OR4L1: variants seen among roughly 807,000 people sequenced by gnomAD.
OR4L1 encodes olfactory receptor 4L1.
For missense variants in OR4L1, 446 were observed against 368.5 expected (o/e 1.21, Z -1.72); for synonymous variants, 156 against 135.3 (o/e 1.15, Z -1.06).
chr14:20,060,899 T>C lies in OR4L1; in HGVS notation c.855T>C (p.Ser285=), dbSNP rs1048971820. The change falls in exon 1 of 1, where the codon AGT becomes AGC. Residue 285 remains serine, a synonymous_variant. Transcript: ENST00000315683. ...TTATCACACCCTTACTGAATCCGAG[T>C]ATTTATACCCTGAGAAATAAGAAAA... The part of the protein sequence containing the change: ...YTVITPLLNP[S]IYTLRNKKMQ... 12 of 1,602,816 alleles carry C rather than the reference T, an allele frequency of 7.5e-6. No homozygotes were observed. The highest frequency in any genetic ancestry group is 1.0e-5 in the Non-Finnish European group (12 of 1,176,084).
chr14:20,060,338 G>T lies in OR4L1; in HGVS notation c.294G>T (p.Val98=). The stretch of plus-strand genomic sequence containing the variant: ...AGACCATCTCTGTGTGGGGCTGCGT[G>T]ACCCAGATGTTCTTCATGCACTTCT... The part of the protein sequence containing the change: ...DHKTISVWGC[V]TQMFFMHFFG... The change falls in exon 1 of 1, where the codon GTG becomes GTT. Residue 98 remains valine (V), a synonymous_variant. Coordinates refer to ENST00000315683, the MANE Select transcript of OR4L1 (RefSeq NM_001004717.1). The T allele has an allele frequency of 6.2e-7, 1 of 1,600,524 alleles. No individual in the cohort carries two copies. The highest frequency in any genetic ancestry group is 8.5e-7 in the Non-Finnish European group (1 of 1,174,528).
Position 20,060,132 on chromosome 14 carries a change from A to T in OR4L1, c.88A>T (p.Thr30Ser). The stretch of plus-strand genomic sequence containing the variant: ...GGAACTTCAAATTTTCTTCTTTGTG[A>T]CATTTTCCCTGATCTACGGTGCTAC... ...RWELQIFFFV[T>S]FSLIYGATVM... The change falls in exon 1 of 1, where the codon ACA becomes TCA. Residue 30 changes from threonine to serine, a missense_variant. Thr to Ser is a moderately conservative substitution (Grantham distance 58, BLOSUM62 1). Coordinates refer to ENST00000315683, the MANE Select transcript of OR4L1 (RefSeq NM_001004717.1). 1 of 1,591,490 alleles carries T rather than the reference A, an allele frequency of 6.3e-7. No homozygotes were observed. The highest frequency in any genetic ancestry group is 8.5e-7 in the Non-Finnish European group (1 of 1,172,564).
chr14:20,060,331 G>T lies in OR4L1; in HGVS notation c.287G>T (p.Gly96Val). The change falls in exon 1 of 1, where the codon GGC becomes GTC. Residue 96 changes from glycine to valine, a missense_variant. Gly to Val is a moderately radical substitution (Grantham distance 109). Transcript: ENST00000315683. ...GACCACAAGACCATCTCTGTGTGGGGCTGCGTGACCCAGATGTTCTTCATG... is the reference window on the plus strand; with the variant it reads ...GACCACAAGACCATCTCTGTGTGGGTCTGCGTGACCCAGATGTTCTTCATG... ...LTDHKTISVWGCVTQMFFMHF... is the reference protein window; with the variant it reads ...LTDHKTISVWVCVTQMFFMHF... 1.3e-6 allele frequency: 2 copies of T among 1,599,956 alleles called. No homozygotes were observed. The highest frequency in any genetic ancestry group is 1.7e-6 in the Non-Finnish European group (2 of 1,173,998).
rs567994123 is a variant in OR4L1 at position 20,060,721 on chromosome 14, C to CA, written c.684dup (p.Ser229IlefsTer36). On this transcript the variant is annotated frameshift_variant, in exon 1 of 1. Coordinates refer to ENST00000315683, the MANE Select transcript of OR4L1 (RefSeq NM_001004717.1). LOFTEE classifies it low-confidence loss of function (END_TRUNC). ...TACATTGTCATCCTGGTCAGTGTACCAAAAAAATCATCACATGGGCTCTCC... is the reference window on the plus strand; with the variant it reads ...TACATTGTCATCCTGGTCAGTGTACCAAAAAAAATCATCACATGGGCTCTCC... 2.4e-5 allele frequency: 39 copies of CA among 1,613,376 alleles called. No homozygotes were observed. In the South Asian group the frequency reaches 3.0e-4, roughly 12 times the overall value.
Position 20,060,166 on chromosome 14 carries a change from G to A in OR4L1, c.122G>A (p.Gly41Glu), listed in dbSNP as rs370455900. The change falls in exon 1 of 1, where the codon GGA becomes GAA. Residue 41 changes from glycine (G) to glutamate (E), a missense_variant. By Grantham distance (98) the Gly-to-Glu change is moderately conservative. Coordinates refer to ENST00000315683, the MANE Select transcript of OR4L1 (RefSeq NM_001004717.1). ...CTGATCTACGGTGCTACTGTGATGG[G>A]AAACATTCTCATTATGGTCACAGTG... ...FSLIYGATVM[G>E]NILIMVTVTC... 125 of 1,605,948 alleles carry A rather than the reference G, an allele frequency of 7.8e-5. No individual in the cohort carries two copies. The highest frequency in any genetic ancestry group is 1.7e-4 in the Middle Eastern group (1 of 6,046).
In OR4L1 at chr14:20,060,603, C is replaced by T. The variant is rs752490340; in HGVS notation, c.559C>T (p.Leu187Phe). The T allele has an allele frequency of 4.3e-6, 7 of 1,613,054 alleles. No individual in the cohort carries two copies. In the East Asian group the frequency reaches 1.3e-4, roughly 31 times the overall value. ...IFCDLPLVIKLACIETYTLEL... is the reference protein window; with the variant it reads ...IFCDLPLVIKFACIETYTLEL... ...TTGTGATCTTCCCCTTGTGATCAAG[C>T]TTGCTTGCATTGAAACATACACCCT... The change falls in exon 1 of 1, where the codon CTT (leucine) becomes TTT (phenylalanine). Residue 187 changes from leucine (L) to phenylalanine (F), a missense_variant. Leu to Phe is a conservative substitution (Grantham distance 22). Coordinates refer to ENST00000315683, the MANE Select transcript of OR4L1 (RefSeq NM_001004717.1).
chr14:20,060,662 C>T lies in OR4L1; in HGVS notation c.618C>T (p.Leu206=), dbSNP rs755947311. The change falls in exon 1 of 1, where the codon CTC becomes CTT. Residue 206 remains leucine (L), a synonymous_variant. Coordinates refer to ENST00000315683, the MANE Select transcript of OR4L1 (RefSeq NM_001004717.1). The part of the protein sequence containing the change: ...ELFVIADSGL[L]SFTCFILLLV... ...TTGTCATTGCTGACAGCGGGCTGCTCTCTTTCACCTGTTTCATCCTCTTGC... is the reference window on the plus strand; with the variant it reads ...TTGTCATTGCTGACAGCGGGCTGCTTTCTTTCACCTGTTTCATCCTCTTGC... The T allele has an allele frequency of 1.9e-6, 3 of 1,613,836 alleles. No individual in the cohort carries two copies. Among genetic ancestry groups the T allele is most frequent in the African/African-American group, 1.3e-5 (1 of 74,908 alleles).
At position 20,060,967 on chromosome 14, in the gene OR4L1, C is replaced by T. The variant is rs1876735104; in HGVS notation, c.923C>T (p.Ser308Phe). 2 of 1,526,538 alleles carry T rather than the reference C, an allele frequency of 1.3e-6. No homozygotes were observed. Among genetic ancestry groups the T allele is most frequent in the Non-Finnish European group, 1.8e-6 (2 of 1,138,342 alleles). The allele number at this position is 1,526,538 out of a possible 1,614,324, so 94.6% of individuals were successfully genotyped here. Residue 308 changes from serine (S) to phenylalanine (F), a missense_variant, in exon 1 of 1, where the codon TCT becomes TTT. Physicochemically the swap from Ser to Phe is radical, Grantham distance 155 (BLOSUM62 -2). Transcript: ENST00000315683. ...AAATTACGGTTCCAATATGTTAGTTCTGCACAGAATTTCTAGATGTTAGCA... is the reference window on the plus strand; with the variant it reads ...AAATTACGGTTCCAATATGTTAGTTTTGCACAGAATTTCTAGATGTTAGCA... Reference protein sequence around the residue: ...IRKLRFQYVSSAQNF With the variant: ...IRKLRFQYVSFAQNF
Position 20,060,090 on chromosome 14 carries a change from G to C in OR4L1, c.46G>C (p.Gly16Arg). 1.3e-6 allele frequency: 2 copies of C among 1,565,782 alleles called. No homozygotes were observed. Among genetic ancestry groups the C allele is most frequent in the Non-Finnish European group, 1.7e-6 (2 of 1,161,132 alleles). Residue 16 changes from glycine to arginine, a missense_variant, in exon 1 of 1, where the codon GGA becomes CGA. Transcript: ENST00000315683. ...TCTAGTGACCGAGTTTATTTTACTAGGATTTTTTGGACGATGGGAACTTCA... is the reference window on the plus strand; with the variant it reads ...TCTAGTGACCGAGTTTATTTTACTACGATTTTTTGGACGATGGGAACTTCA... ...GSLVTEFILL[G>R]FFGRWELQIF...
Position 20,060,627 on chromosome 14 carries a change from C to T in OR4L1, c.583C>T (p.Leu195=), listed in dbSNP as rs887768572. ...GCTTGCTTGCATTGAAACATACACC[C>T]TGGAATTATTTGTCATTGCTGACAG... The part of the protein sequence containing the change: ...IKLACIETYT[L]ELFVIADSGL... The change falls in exon 1 of 1, where the codon CTG becomes TTG. Residue 195 remains leucine, a synonymous_variant. Transcript: ENST00000315683. 6.2e-7 allele frequency: 1 copy of T among 1,613,716 alleles called. No individual in the cohort carries two copies. Among genetic ancestry groups the T allele is most frequent in the Non-Finnish European group, 8.5e-7 (1 of 1,179,734 alleles).
rs775957644 is a variant in OR4L1 at position 20,060,632 on chromosome 14, A to G, written c.588A>G (p.Glu196=). ...KLACIETYTL[E]LFVIADSGLL... is the part of the protein sequence containing the mutation. Reference sequence around the variant, plus strand: ...CTTGCATTGAAACATACACCCTGGAATTATTTGTCATTGCTGACAGCGGGC... The same window carrying G: ...CTTGCATTGAAACATACACCCTGGAGTTATTTGTCATTGCTGACAGCGGGC... The change falls in exon 1 of 1, where the codon GAA becomes GAG. Residue 196 remains glutamate, a synonymous_variant. Transcript: ENST00000315683. 6 of 1,613,662 alleles carry G rather than the reference A, an allele frequency of 3.7e-6. No individual in the cohort carries two copies. The East Asian group carries it at 1.3e-4, about 36-fold the overall frequency.
At position 20,060,965 on chromosome 14, in the gene OR4L1, T is replaced by G. The variant is rs754582681; in HGVS notation, c.921T>G (p.Ser307Arg). 2 of 1,530,328 alleles carry G rather than the reference T, an allele frequency of 1.3e-6. No individual in the cohort carries two copies. The highest frequency in any genetic ancestry group is 1.8e-6 in the Non-Finnish European group (2 of 1,141,190). 94.8% of individuals were successfully genotyped at this position (1,530,328 alleles called of 1,614,324 possible). A position where few individuals can be genotyped will look rare whatever the true frequency, so the allele number is the denominator to read the frequency against. The change falls in exon 1 of 1, where the codon AGT becomes AGG. Residue 307 changes from serine (S) to arginine (R), a missense_variant. Physicochemically the swap from Ser to Arg is moderately radical, Grantham distance 110. Coordinates refer to ENST00000315683, the MANE Select transcript of OR4L1 (RefSeq NM_001004717.1). ...GAAAATTACGGTTCCAATATGTTAG[T>G]TCTGCACAGAATTTCTAGATGTTAG... ...AIRKLRFQYV[S>R]SAQNF
Position 20,060,406 on chromosome 14 carries a change from A to G in OR4L1, c.362A>G (p.Asp121Gly), listed in dbSNP as rs750434127. The part of the protein sequence containing the change: ...EMTLLIIMAF[D>G]RYVAICKPLH... ...ACTCTTCTGATAATCATGGCCTTTG[A>G]CAGGTATGTAGCCATATGTAAACCC... Residue 121 changes from aspartate to glycine, a missense_variant, in exon 1 of 1, where the codon GAC (aspartate) becomes GGC (glycine). Physicochemically the swap from Asp to Gly is moderately conservative, Grantham distance 94. Coordinates refer to ENST00000315683, the MANE Select transcript of OR4L1 (RefSeq NM_001004717.1). 1 of 1,609,380 alleles carries G rather than the reference A, an allele frequency of 6.2e-7. No individual in the cohort carries two copies.
rs777795074 is a variant in OR4L1 at position 20,060,505 on chromosome 14, T to C, written c.461T>C (p.Leu154Ser). 3 of 1,613,462 alleles carry C rather than the reference T, an allele frequency of 1.9e-6. No individual in the cohort carries two copies. In the East Asian group the frequency reaches 6.7e-5, roughly 36 times the overall value. ...FAILSWIIGFLHSISQIVLTM... is the reference protein window; with the variant it reads ...FAILSWIIGFSHSISQIVLTM... Reference sequence around the variant, plus strand: ...ATACTTTCATGGATAATTGGTTTTTTACACTCCATAAGCCAGATAGTTTTA... The same window carrying C: ...ATACTTTCATGGATAATTGGTTTTTCACACTCCATAAGCCAGATAGTTTTA... Residue 154 changes from leucine (L) to serine (S), a missense_variant, in exon 1 of 1, where the codon TTA (leucine) becomes TCA (serine). By Grantham distance (145) the Leu-to-Ser change is moderately radical. Transcript: ENST00000315683.
rs1438629822 is a variant in OR4L1 at position 20,060,191 on chromosome 14, G to A, written c.147G>A (p.Val49=). The A allele has an allele frequency of 6.2e-7, 1 of 1,606,810 alleles. No individual in the cohort carries two copies. The highest frequency in any genetic ancestry group is 8.5e-7 in the Non-Finnish European group (1 of 1,175,276). ...VMGNILIMVT[V]TCRSTLHSPL... Reference sequence around the variant, plus strand: ...GAAACATTCTCATTATGGTCACAGTGACATGTAGGTCAACCCTTCATTCTC... The same window carrying A: ...GAAACATTCTCATTATGGTCACAGTAACATGTAGGTCAACCCTTCATTCTC... Residue 49 remains valine (V), a synonymous_variant, in exon 1 of 1, where the codon GTG becomes GTA. Coordinates refer to ENST00000315683, the MANE Select transcript of OR4L1 (RefSeq NM_001004717.1).
chr14:20,060,895 C>G lies in OR4L1; in HGVS notation c.851C>G (p.Pro284Arg). Reference protein sequence around the residue: ...FYTVITPLLNPSIYTLRNKKM... With the variant: ...FYTVITPLLNRSIYTLRNKKM... ...ACAGTTATCACACCCTTACTGAATC[C>G]GAGTATTTATACCCTGAGAAATAAG... The change falls in exon 1 of 1, where the codon CCG (proline) becomes CGG (arginine). Residue 284 changes from proline to arginine, a missense_variant. By Grantham distance (103) the Pro-to-Arg change is moderately radical. Transcript: ENST00000315683. The G allele has an allele frequency of 1.2e-6, 2 of 1,603,272 alleles. No individual in the cohort carries two copies. The highest frequency in any genetic ancestry group is 1.7e-6 in the Non-Finnish European group (2 of 1,175,854).
chr14:20,060,629 G>C lies in OR4L1; in HGVS notation c.585G>C (p.Leu195=). The part of the protein sequence containing the change: ...IKLACIETYT[L]ELFVIADSGL... ...TTGCTTGCATTGAAACATACACCCT[G>C]GAATTATTTGTCATTGCTGACAGCG... The change falls in exon 1 of 1, where the codon CTG becomes CTC. Residue 195 remains leucine, a synonymous_variant. Coordinates refer to ENST00000315683, the MANE Select transcript of OR4L1 (RefSeq NM_001004717.1). The C allele has an allele frequency of 6.2e-7, 1 of 1,613,666 alleles. No homozygotes were observed. Among genetic ancestry groups the C allele is most frequent in the South Asian group, 1.1e-5 (1 of 91,048 alleles).
Position 20,060,908 on chromosome 14 carries a change from C to G in OR4L1, c.864C>G (p.Thr288=), listed in dbSNP as rs182900000. 7.6e-6 allele frequency: 12 copies of G among 1,589,046 alleles called. No individual in the cohort carries two copies. Among genetic ancestry groups the G allele is most frequent in the Non-Finnish European group, 9.4e-6 (11 of 1,171,092 alleles). ...ITPLLNPSIY[T]LRNKKMQEAI... Reference sequence around the variant, plus strand: ...CCTTACTGAATCCGAGTATTTATACCCTGAGAAATAAGAAAATGCAAGAGG... The same window carrying G: ...CCTTACTGAATCCGAGTATTTATACGCTGAGAAATAAGAAAATGCAAGAGG... The change falls in exon 1 of 1, where the codon ACC becomes ACG. Residue 288 remains threonine (T), a synonymous_variant. Transcript: ENST00000315683.
rs767469877 is a variant in OR4L1 at position 20,060,656 on chromosome 14, G to T, written c.612G>T (p.Gly204=). The change falls in exon 1 of 1, where the codon GGG becomes GGT. Residue 204 remains glycine, a synonymous_variant. Transcript: ENST00000315683. ...TLELFVIADS[G]LLSFTCFILL... is the part of the protein sequence containing the mutation. The stretch of plus-strand genomic sequence containing the variant: ...AATTATTTGTCATTGCTGACAGCGG[G>T]CTGCTCTCTTTCACCTGTTTCATCC... 1.9e-6 allele frequency: 3 copies of T among 1,613,708 alleles called. No homozygotes were observed. Among genetic ancestry groups the T allele is most frequent in the Non-Finnish European group, 2.5e-6 (3 of 1,179,876 alleles).
Sources: allele counts gnomAD v4.1 joint callset, GRCh38; gene constraint gnomAD v4.1.1; transcripts MANE v1.5; gene names NCBI Gene and HGNC (gene_info 2026-07-23, HGNC 2026-07-21).